The following RC3H1 variants were observed in gnomAD, a reference collection of about 807,000 sequenced individuals.
The protein encoded by RC3H1 is roquin-1.
In RC3H1, 50 loss-of-function variants were observed where a neutral mutation model predicts 138.2. That is an observed-to-expected ratio of 0.36 (90% CI 0.29 to 0.46). The LOEUF (loss-of-function observed/expected upper bound fraction) is 0.46. RC3H1 is among the 20% of genes least tolerant of loss of function. RC3H1 has a pLI of 1.00. For synonymous variants in RC3H1, 462 were observed against 489.1 expected (o/e 0.94, Z 0.73); for missense variants, 1,031 against 1,388.1 (o/e 0.74, Z 4.09).
intron 14 of RC3H1, 80 bp downstream of exon 14, chr1:173,951,906 T>C: frequency 7.5e-7 from 1 of 1,340,184 alleles, no homozygotes; most frequent in Non-Finnish European, 1.0e-6. Flanking sequence ...GCTGAATTAT[T>C]TGTGCCTAAA....
intron 13 of RC3H1, among the ~76,000 whole-genome samples, chr1:173,953,674 T>G (rs1367506304): frequency 6.6e-6 from 1 of 152,120 alleles, no homozygotes; most frequent in Non-Finnish European, 1.5e-5. Flanking sequence ...GGAGAATGGA[T>G]TAGGTAAAAA....
chr1:173,991,336 C>A (rs1157077816), intron 2 of RC3H1, among the ~76,000 whole-genome samples: 2 of 152,162 alleles, frequency 1.3e-5, no homozygotes, highest in Non-Finnish European at 2.9e-5. Context: ...TGCAACTCTG[C>A]CTAGTTTTTT....
rs779632559 is a variant in RC3H1 at position 173,943,398 on chromosome 1, G to T, written c.3135+44C>A. On this transcript the variant is annotated intron_variant, in intron 18 of 19. Coordinates refer to ENST00000367696, the MANE Select transcript of RC3H1 (RefSeq NM_172071.4). ...TAGATAATTCTAGAGCCACATGAAA[G>T]ATTTCATTTCACCTTCCCTCTCTTT... 5 of 1,559,130 alleles carry T rather than the reference G, an allele frequency of 3.2e-6. No individual in the cohort carries two copies. In the Admixed American group the frequency reaches 7.0e-5, roughly 22 times the overall value.
In RC3H1 at chr1:174,022,211, G is replaced by T; in HGVS notation, c.-266C>A. 1 of 393,638 alleles carries T rather than the reference G, an allele frequency of 2.5e-6. No homozygotes were observed. Among genetic ancestry groups the T allele is most frequent in the Non-Finnish European group, 4.5e-6 (1 of 223,338 alleles). 24.4% of individuals were successfully genotyped at this position (393,638 alleles called of 1,614,324 possible). A position where few individuals can be genotyped will look rare whatever the true frequency, so the allele number is the denominator to read the frequency against. ...GTTGACTCTGATTCTGTCCCAGGCC[G>T]CCGGGCCACGGCTGCCGCCGCCACC... On this transcript the variant is annotated 5_prime_UTR_variant, in exon 1 of 20. Coordinates refer to ENST00000367696, the MANE Select transcript of RC3H1 (RefSeq NM_172071.4). The surrounding 1 kb of genome is among the most constrained non-coding windows in gnomAD (Gnocchi z 4.2).
chr1:174,009,168 A>T (rs1661707537), intron 1 of RC3H1: 1 of 152,106 alleles, frequency 6.6e-6, no homozygotes, highest in African/African-American at 2.4e-5. Flanking sequence ...GGGAAGAGGA[A>T]ATGAAAGGTT....
At chr1:173,975,512 GGTT>G (rs1330984759) in intron 7 of RC3H1, among the ~76,000 whole-genome samples, 1 of 151,814 alleles carries the variant, frequency 6.6e-6, no homozygotes, top group Non-Finnish European at 1.5e-5. Flanking sequence ...AGAAAAAAAA[GGTT>G]GTTAATTATA....
chr1:173,932,268 C>G lies in RC3H1; in HGVS notation c.*6453G>C, dbSNP rs1324716650. The stretch of plus-strand genomic sequence containing the variant: ...ACAAAATAAAACAAAATAAAATCCA[C>G]CCAAAAAGGTGATAATGACTGCAGA... On this transcript the variant is annotated 3_prime_UTR_variant, in exon 20 of 20. Transcript: ENST00000367696. The G allele has an allele frequency of 6.6e-6, 1 of 151,350 alleles. No homozygotes were observed. The highest frequency in any genetic ancestry group is 6.6e-5 in the Admixed American group (1 of 15,184). The allele number at this position is 151,350 out of a possible 1,614,324, so 9.4% of individuals were successfully genotyped here.
At chr1:173,960,271 C>G (rs113296041) in intron 13 of RC3H1, among the ~76,000 whole-genome samples, 3 of 151,902 alleles carry the variant, frequency 2.0e-5, no homozygotes, top group Non-Finnish European at 4.4e-5. Flanking sequence ...GCCTGGGTGA[C>G]AGAGTGAGAC....
intron 13 of RC3H1, among the ~76,000 whole-genome samples, chr1:173,960,865 C>T (rs192459503): frequency 1.3e-5 from 2 of 151,314 alleles, no homozygotes; most frequent in East Asian, 1.9e-4. Context: ...CAGTGCCTTA[C>T]AGGAACAAAA....
chr1:173,961,330 A>C (rs1042083641), intron 12 of RC3H1, 86 bp from the exon 13 acceptor site: 19 of 1,241,460 alleles, frequency 1.5e-5, no homozygotes, highest in Non-Finnish European at 2.1e-5. Flanking sequence ...ATTTTAAGTT[A>C]TGAAACAGCT....
chr1:173,994,987 C>T lies in RC3H1; in HGVS notation c.-150-1852G>A, dbSNP rs888143264. Among the ~76,000 whole-genome samples the T allele has an allele frequency of 2.0e-5, 3 of 152,126 alleles. No homozygotes were observed. The East Asian group carries it at 5.8e-4, about 29-fold the overall frequency. Reference sequence around the variant, plus strand: ...TTTCACTAAACATATAAACAGCAATCACATAACTAAATATATAATTGCAAG... The same window carrying T: ...TTTCACTAAACATATAAACAGCAATTACATAACTAAATATATAATTGCAAG... On this transcript the variant is annotated intron_variant, in intron 1 of 19. Coordinates refer to ENST00000367696, the MANE Select transcript of RC3H1 (RefSeq NM_172071.4).
chr1:173,989,754 C>G (rs1303591680), intron 2 of RC3H1, among the ~76,000 whole-genome samples: 1 of 113,992 alleles, frequency 8.8e-6, no homozygotes, highest in African/African-American at 3.5e-5. Flanking sequence ...GAGTCTCGCT[C>G]TGTCGCCCAG....
chr1:173,940,523 A>C (rs933829117), intron 19 of RC3H1, among the ~76,000 whole-genome samples: 3 of 151,126 alleles, frequency 2.0e-5, no homozygotes, highest in Admixed American at 6.6e-5. Context: ...AACAAGAGTT[A>C]TCTCTGAATA....
rs780291147 is a variant in RC3H1, at chr1:173,993,000, C to T, written c.-15G>A. On this transcript the variant is annotated 5_prime_UTR_variant, in exon 2 of 20. Transcript: ENST00000367696. ...TGTACAGGCATTGCTTCTGGAGTTA[C>T]AATTCACGAACACAAACACACACAC... 6.4e-6 allele frequency: 10 copies of T among 1,560,768 alleles called. No homozygotes were observed. Among genetic ancestry groups the T allele is most frequent in the Non-Finnish European group, 8.8e-6 (10 of 1,132,324 alleles).
rs61239660 is a variant in RC3H1 at position 174,017,783 on chromosome 1, CAAAAAAAAAAAA to C, written c.-151+4301_-151+4312del. Among the ~76,000 whole-genome samples the C allele has an allele frequency of 7.2e-3, 518 of 72,046 alleles. 12 individuals carry two copies. The highest frequency in any genetic ancestry group is 0.025 in the African/African-American group (435 of 17,542). The allele number at this position is 72,046 out of a possible 152,430, so 47.3% of individuals were successfully genotyped here. ...ACCCCTTTAGAACTCTTTTCTTGCT[CAAAAAAAAAAAA>C]AAAAAAAAAAAAAAACTGCTACCAT... On this transcript the variant is annotated intron_variant, in intron 1 of 19. Coordinates refer to ENST00000367696, the MANE Select transcript of RC3H1 (RefSeq NM_172071.4).
intron 14 of RC3H1, among the ~76,000 whole-genome samples, chr1:173,949,497 T>C (rs1233183586): frequency 6.6e-6 from 1 of 152,072 alleles, no homozygotes; most frequent in African/African-American, 2.4e-5. Context: ...ACCTCCCAAG[T>C]ACCTGGGATT....
chr1:173,986,985 T>C (rs1000458926), intron 2 of RC3H1, among the ~76,000 whole-genome samples: 1 of 152,176 alleles, frequency 6.6e-6, no homozygotes, highest in Non-Finnish European at 1.5e-5. Context: ...TAAACTGGGA[T>C]CTAGGATCTG....
At chr1:173,948,369 T>A (rs1241610553) in intron 14 of RC3H1, among the ~76,000 whole-genome samples, 1 of 152,052 alleles carries the variant, frequency 6.6e-6, no homozygotes, top group Non-Finnish European at 1.5e-5. Context: ...AAATGCTTCC[T>A]GATTAATCAA....
rs1658418379 is a variant in RC3H1, at chr1:173,932,418, T to C, written c.*6303A>G. Reference sequence around the variant, plus strand: ...AGGAATCTCAAAACTGGAAAATGTTTAAGTGGGTGAAAGGTTTTGTTCATT... The same window carrying C: ...AGGAATCTCAAAACTGGAAAATGTTCAAGTGGGTGAAAGGTTTTGTTCATT... On this transcript the variant is annotated 3_prime_UTR_variant, in exon 20 of 20. Coordinates refer to ENST00000367696, the MANE Select transcript of RC3H1 (RefSeq NM_172071.4). 6.6e-6 allele frequency: 1 copy of C among 152,072 alleles called. No homozygotes were observed. Among genetic ancestry groups the C allele is most frequent in the South Asian group, 2.1e-4 (1 of 4,814 alleles). 9.4% of individuals were successfully genotyped at this position (152,072 alleles called of 1,614,324 possible).
Sources: allele counts gnomAD v4.1 joint callset (sites outside exome capture counted in the v4.1 genomes callset), GRCh38; gene constraint gnomAD v4.1.1; non-coding constraint Gnocchi (gnomAD v3.1); transcripts MANE v1.5; gene names NCBI Gene and HGNC (gene_info 2026-07-23, HGNC 2026-07-21).